The following RBFOX1 variants were observed in gnomAD, a reference collection of about 807,000 sequenced individuals.
The protein encoded by RBFOX1 is RNA binding protein fox-1 homolog 1.
RBFOX1 carries 8 observed loss-of-function variants against 57.7 expected under a neutral mutation model. That is an observed-to-expected ratio of 0.14 (90% CI 0.08 to 0.25). The LOEUF is 0.25. Ranked by LOEUF, RBFOX1 falls within the 10% of genes least tolerant of loss-of-function variation. RBFOX1 has a pLI of 1.00. For missense variants in RBFOX1, 611 were observed against 548.5 expected (o/e 1.11, Z -1.14); for synonymous variants, 326 against 222.4 (o/e 1.47, Z -4.15).
At position 5,964,154 on chromosome 16, in the gene RBFOX1, T is replaced by A. The variant is rs571363317; in HGVS notation, c.351+96819T>A. Among the ~76,000 whole-genome samples, 4 of 152,262 alleles carry A rather than the reference T, an allele frequency of 2.6e-5. No homozygotes were observed. In the South Asian group the frequency reaches 8.3e-4, roughly 32 times the overall value. On this transcript the variant is annotated intron_variant, in intron 4 of 19. Transcript: ENST00000641259. ...AATGGACCACAGGTACATGAAAAGGTGCTCAGCATGATCAGGGAGGTTAAA... is the reference window on the plus strand; with the variant it reads ...AATGGACCACAGGTACATGAAAAGGAGCTCAGCATGATCAGGGAGGTTAAA...
intron 2 of RBFOX1, among the ~76,000 whole-genome samples, chr16:5,499,063 G>A (rs951591462): frequency 3.3e-5 from 5 of 152,166 alleles, no homozygotes; most frequent in African/African-American, 1.2e-4. Flanking sequence ...AAGTGCCCCA[G>A]GTGGTGCTCA....
chr16:7,634,961 A>G (rs1020746861), intron 11 of RBFOX1, among the ~76,000 whole-genome samples: 3 of 152,234 alleles, frequency 2.0e-5, no homozygotes, highest in African/African-American at 7.2e-5. Flanking sequence ...GAAACAATTC[A>G]ACCCCTTAAC....
At chr16:5,269,040 G>A (rs1304392321) in intron 1 of RBFOX1, among the ~76,000 whole-genome samples, 12 of 151,796 alleles carry the variant, frequency 7.9e-5, no homozygotes, top group Non-Finnish European at 1.3e-4. Context: ...TCAGCTTCCC[G>A]CGTAGCTGGG....
chr16:5,591,601 T>A (rs547127115), intron 2 of RBFOX1, among the ~76,000 whole-genome samples: 1 of 152,194 alleles, frequency 6.6e-6, no homozygotes, highest in African/African-American at 2.4e-5. Context: ...TTCTGAAGAT[T>A]TCAGTGGATA....
chr16:7,158,933 G>A (rs554694036), intron 4 of RBFOX1, among the ~76,000 whole-genome samples: 104 of 152,096 alleles, frequency 6.8e-4, no homozygotes, highest in African/African-American at 2.5e-3. Context: ...TATCACTTGT[G>A]TAGTTTCATG....
At chr16:5,944,385 G>A (rs900945591) in intron 4 of RBFOX1, among the ~76,000 whole-genome samples, 2 of 152,170 alleles carry the variant, frequency 1.3e-5, no homozygotes, top group African/African-American at 4.8e-5. Context: ...TGTATACATA[G>A]CAGTTACATG....
intron 10 of RBFOX1, among the ~76,000 whole-genome samples, chr16:7,630,385 T>A (rs555807209): frequency 8.0e-4 from 121 of 150,882 alleles, no homozygotes; most frequent in African/African-American, 2.7e-3. Context: ...GTGTGAAAAG[T>A]CATGACGTGT....
At chr16:5,915,532 A>C (rs117744790) in intron 4 of RBFOX1, among the ~76,000 whole-genome samples, 1,798 of 152,212 alleles carry the variant, frequency 0.012, 13 homozygotes, top group Middle Eastern at 0.031. Flanking sequence ...AGGTAGTCAG[A>C]GAAGTTTATA....
At chr16:5,999,162 T>G (rs1166771481) in intron 4 of RBFOX1, among the ~76,000 whole-genome samples, 1 of 152,174 alleles carries the variant, frequency 6.6e-6, no homozygotes, top group African/African-American at 2.4e-5. Context: ...TCTTCACTCC[T>G]TAGAATGCAT....
At chr16:6,737,912 T>TA (rs1376778904) in intron 3 of RBFOX1, among the ~76,000 whole-genome samples, 2 of 152,154 alleles carry the variant, frequency 1.3e-5, no homozygotes. Flanking sequence ...AAGTTACATT[T>TA]AAAAATTTGT....
chr16:7,570,310 T>A (rs2152764020), intron 5 of RBFOX1, among the ~76,000 whole-genome samples: 1 of 152,318 alleles, frequency 6.6e-6, no homozygotes, highest in Non-Finnish European at 1.5e-5. Flanking sequence ...GCATGTATTT[T>A]TCATTTCCAT....
chr16:6,279,369 T>A (rs2076152454), intron 1 of RBFOX1, among the ~76,000 whole-genome samples: 1 of 152,176 alleles, frequency 6.6e-6, no homozygotes, highest in Non-Finnish European at 1.5e-5. Context: ...CTTTCTGCCT[T>A]GAAGGGGAGA....
intron 2 of RBFOX1, among the ~76,000 whole-genome samples, chr16:6,563,215 A>T (rs929362824): frequency 6.6e-6 from 1 of 152,070 alleles, no homozygotes; most frequent in African/African-American, 2.4e-5. Context: ...GCACTGCGTG[A>T]CTTCCAAGAC....
At chr16:5,254,780 G>C (rs1347218450) in intron 1 of RBFOX1, among the ~76,000 whole-genome samples, 1 of 152,174 alleles carries the variant, frequency 6.6e-6, no homozygotes, top group African/African-American at 2.4e-5. Context: ...ATACCCAGTG[G>C]GCAGGCAGTC....
At chr16:5,879,046 C>G (rs1279841296) in intron 4 of RBFOX1, among the ~76,000 whole-genome samples, 1 of 152,222 alleles carries the variant, frequency 6.6e-6, no homozygotes, top group Non-Finnish European at 1.5e-5. Flanking sequence ...AATTCTGGTC[C>G]TGTAGCCCCC....
At chr16:6,672,417 T>TGGAA (rs2098771818) in intron 3 of RBFOX1, among the ~76,000 whole-genome samples, 1 of 117,954 alleles carries the variant, frequency 8.5e-6, no homozygotes. Context: ...GACGGATGGA[T>TGGAA]GGAAGGAAGG....
intron 2 of RBFOX1, among the ~76,000 whole-genome samples, chr16:6,576,758 C>G (rs1303538674): frequency 6.6e-6 from 1 of 152,120 alleles, no homozygotes; most frequent in East Asian, 1.9e-4. Context: ...GGGATTTATG[C>G]TAGATAAAAG....
intron 4 of RBFOX1, among the ~76,000 whole-genome samples, chr16:7,179,813 C>A (rs1012455097): frequency 6.6e-6 from 1 of 152,054 alleles, no homozygotes; most frequent in Non-Finnish European, 1.5e-5. Context: ...CGGCTCACTG[C>A]AACCTACTCC....
At chr16:5,715,926 C>A (rs1360664320) in intron 3 of RBFOX1, among the ~76,000 whole-genome samples, 1 of 152,182 alleles carries the variant, frequency 6.6e-6, no homozygotes, top group Non-Finnish European at 1.5e-5. Flanking sequence ...ATAATCATCA[C>A]AGCATAGTTG....
Sources: gnomAD v4.1 joint callset for allele counts (sites outside exome capture counted in the v4.1 genomes callset) on GRCh38, gnomAD v4.1.1 for gene constraint, MANE v1.5 for transcripts, NCBI Gene and HGNC (gene_info 2026-07-23, HGNC 2026-07-21) for gene names.